CD2: variants seen among roughly 807,000 people sequenced by gnomAD.
CD2 encodes the protein T-cell surface antigen CD2.
In CD2, 18 loss-of-function variants were observed where a neutral mutation model predicts 23.2. The observed-to-expected ratio is 0.77, with a 90% confidence interval of 0.54 to 1.15. CD2 has a LOEUF of 1.15. CD2 is among the 50% of genes most tolerant of loss of function. The pLI, the probability that CD2 is intolerant of heterozygous loss-of-function variation, is 0.00. For synonymous variants in CD2, 162 were observed against 151.9 expected (o/e 1.07, Z -0.49); for missense variants, 424 against 423.1 (o/e 1.00, Z -0.02).
intron 3 of CD2, among the ~76,000 whole-genome samples, chr1:116,761,299 G>T (rs1652045684): frequency 6.6e-6 from 1 of 152,194 alleles, no homozygotes. Flanking sequence ...CTCTCGCCTG[G>T]GAGTAGAGGT....
intron 3 of CD2, among the ~76,000 whole-genome samples, chr1:116,763,232 A>C (rs1444734918): frequency 6.6e-6 from 1 of 152,236 alleles, no homozygotes; most frequent in Non-Finnish European, 1.5e-5. Flanking sequence ...AGACTCGAGG[A>C]AAGAAAGCCA....
chr1:116,760,919 TAG>T (rs980873435), intron 3 of CD2, among the ~76,000 whole-genome samples: 1 of 152,244 alleles, frequency 6.6e-6, no homozygotes, highest in African/African-American at 2.4e-5. Flanking sequence ...GGAGGAGCTG[TAG>T]AGAGTATCTC....
chr1:116,764,028 A>T (rs568109430), intron 3 of CD2, among the ~76,000 whole-genome samples: 35 of 151,934 alleles, frequency 2.3e-4, no homozygotes, highest in Non-Finnish European at 4.1e-4. Flanking sequence ...CGAGAGCAGG[A>T]TCAACAGTGC....
At chr1:116,759,715 G>A (rs1023823154) in intron 2 of CD2, among the ~76,000 whole-genome samples, 6 of 152,182 alleles carry the variant, frequency 3.9e-5, no homozygotes, top group African/African-American at 7.2e-5. Context: ...GAGGGCCAGC[G>A]TAGACCCTGT....
chr1:116,757,042 G>T (rs2101156009), intron 2 of CD2, among the ~76,000 whole-genome samples: 1 of 150,520 alleles, frequency 6.6e-6, no homozygotes, highest in East Asian at 2.0e-4. Context: ...TGTTGCCCAG[G>T]CTGGAGTGCA....
intron 2 of CD2, 35 bp downstream of exon 2, chr1:116,754,986 T>G: frequency 6.9e-7 from 1 of 1,439,494 alleles, no homozygotes; most frequent in East Asian, 2.3e-5. Flanking sequence ...TTTATTTCAG[T>G]GTGGGTGCTA....
intron 4 of CD2, among the ~76,000 whole-genome samples, chr1:116,766,598 GTAATC>G (rs1336749912): frequency 6.6e-6 from 1 of 152,106 alleles, no homozygotes; most frequent in African/African-American, 2.4e-5. Flanking sequence ...GCTCATATCT[GTAATC>G]TCAGCACTTT....
chr1:116,761,122 G>A (rs780980496), intron 3 of CD2, among the ~76,000 whole-genome samples: 3 of 152,158 alleles, frequency 2.0e-5, no homozygotes, highest in Non-Finnish European at 2.9e-5. Flanking sequence ...AGGCCAAAGA[G>A]GACTGTGGAC....
Position 116,754,894 on chromosome 1 carries a change from A to G in CD2, c.325A>G (p.Ile109Val), listed in dbSNP as rs1263494129. The G allele has an allele frequency of 6.2e-7, 1 of 1,605,296 alleles. No homozygotes were observed. The highest frequency in any genetic ancestry group is 8.5e-7 in the Non-Finnish European group (1 of 1,176,572). ...TGATCAGGATATCTACAAGGTATCA[A>G]TATATGATACAAAAGGAAAAAATGT... The part of the protein sequence containing the change: ...TDDQDIYKVS[I>V]YDTKGKNVLE... The change falls in exon 2 of 5, where the codon ATA becomes GTA. Residue 109 changes from isoleucine (I) to valine (V), a missense_variant. Coordinates refer to ENST00000369478, the MANE Select transcript of CD2 (RefSeq NM_001767.5).
intron 2 of CD2, among the ~76,000 whole-genome samples, chr1:116,756,415 C>T (rs1017765871): frequency 3.3e-5 from 5 of 152,042 alleles, no homozygotes; most frequent in East Asian, 1.9e-4. Context: ...TTATTTAAAG[C>T]GCCCAACAAT....
chr1:116,759,391 A>G (rs763426613), intron 2 of CD2, among the ~76,000 whole-genome samples: 7 of 151,902 alleles, frequency 4.6e-5, no homozygotes, highest in Non-Finnish European at 8.8e-5. Context: ...CTGAGAGGGA[A>G]AAGTGGCAAG....
Position 116,754,910 on chromosome 1 carries a change from G to A in CD2, c.341G>A (p.Gly114Glu). ...AAGGTATCAATATATGATACAAAAG[G>A]AAAAAATGTGTTGGAAAAAATATTT... is the stretch of plus-strand genomic sequence containing the variant. Reference protein sequence around the residue: ...IYKVSIYDTKGKNVLEKIFDL... With the variant: ...IYKVSIYDTKEKNVLEKIFDL... The change falls in exon 2 of 5, where the codon GGA becomes GAA. Residue 114 changes from glycine to glutamate, a missense_variant. Physicochemically the swap from Gly to Glu is moderately conservative, Grantham distance 98. Coordinates refer to ENST00000369478, the MANE Select transcript of CD2 (RefSeq NM_001767.5). 6.3e-7 allele frequency: 1 copy of A among 1,597,058 alleles called. No homozygotes were observed. Among genetic ancestry groups the A allele is most frequent in the Non-Finnish European group, 8.5e-7 (1 of 1,174,056 alleles).
intron 2 of CD2, among the ~76,000 whole-genome samples, chr1:116,755,273 TC>T (rs1465825448): frequency 6.6e-6 from 1 of 152,120 alleles, no homozygotes; most frequent in Non-Finnish European, 1.5e-5. Flanking sequence ...AGGCAACTGT[TC>T]CAGGTTGCTG....
At position 116,768,937 on chromosome 1, in the gene CD2, G is replaced by C; in HGVS notation, c.*154G>C. Reference sequence around the variant, plus strand: ...AGCCACCTCTGCATCTTCGAACTCAGCCATGTGGTCAACATCTGGAGTTTT... The same window carrying C: ...AGCCACCTCTGCATCTTCGAACTCACCCATGTGGTCAACATCTGGAGTTTT... On this transcript the variant is annotated 3_prime_UTR_variant, in exon 5 of 5. Transcript: ENST00000369478. 4 of 718,754 alleles carry C rather than the reference G, an allele frequency of 5.6e-6. No individual in the cohort carries two copies. The highest frequency in any genetic ancestry group is 2.9e-5 in the Admixed American group (1 of 34,038). 44.5% of individuals were successfully genotyped at this position (718,754 alleles called of 1,614,324 possible). A position where few individuals can be genotyped will look rare whatever the true frequency, so the allele number is the denominator to read the frequency against.
intron 2 of CD2, among the ~76,000 whole-genome samples, chr1:116,757,651 A>C (rs1014164254): frequency 6.6e-6 from 1 of 152,194 alleles, no homozygotes; most frequent in African/African-American, 2.4e-5. Context: ...ATGTTCATTA[A>C]GAAAAGAACT....
Position 116,754,949 on chromosome 1 carries a change from A to T in CD2, c.380A>T (p.Gln127Leu), listed in dbSNP as rs1464883584. 6.3e-7 allele frequency: 1 copy of T among 1,582,102 alleles called. No individual in the cohort carries two copies. The highest frequency in any genetic ancestry group is 1.8e-5 in the Admixed American group (1 of 56,530). The change falls in exon 2 of 5, where the codon CAA (glutamine) becomes CTA (leucine). Residue 127 changes from glutamine to leucine, a missense_variant and splice_region_variant. Transcript: ENST00000369478. ...VLEKIFDLKI[Q>L]ERVSKPKISW... ...GAAAAAATATTTGATTTGAAGATTCAAGGTAAGTGTTCATTCCCTTAATTG... is the reference window on the plus strand; with the variant it reads ...GAAAAAATATTTGATTTGAAGATTCTAGGTAAGTGTTCATTCCCTTAATTG...
At chr1:116,758,136 T>G (rs1325939606) in intron 2 of CD2, among the ~76,000 whole-genome samples, 1 of 151,988 alleles carries the variant, frequency 6.6e-6, no homozygotes, top group Non-Finnish European at 1.5e-5. Flanking sequence ...CATGAAAATA[T>G]TATTCATTAT....
Position 116,754,436 on chromosome 1 carries a change from A to G in CD2, c.-57A>G. ...TCGGGGTGTGGACTCCACCAGTCTC[A>G]CTTCAGTTCCTTTTGCATGAAGAGC... On this transcript the variant is annotated 5_prime_UTR_variant, in exon 1 of 5. Coordinates refer to ENST00000369478, the MANE Select transcript of CD2 (RefSeq NM_001767.5). The G allele has an allele frequency of 2.7e-6, 4 of 1,472,610 alleles. No individual in the cohort carries two copies. The highest frequency in any genetic ancestry group is 2.8e-6 in the Non-Finnish European group (3 of 1,060,020). The allele number at this position is 1,472,610 out of a possible 1,614,324, so 91.2% of individuals were successfully genotyped here.
intron 2 of CD2, among the ~76,000 whole-genome samples, chr1:116,757,774 G>GAC (rs1187278376): frequency 1.4e-5 from 2 of 147,018 alleles, no homozygotes; most frequent in African/African-American, 2.4e-5. Flanking sequence ...GAGAGAGAGA[G>GAC]AGGCAGACAG....
Sources: gnomAD v4.1 joint callset for allele counts (sites outside exome capture counted in the v4.1 genomes callset) on GRCh38, gnomAD v4.1.1 for gene constraint, MANE v1.5 for transcripts, NCBI Gene and HGNC (gene_info 2026-07-23, HGNC 2026-07-21) for gene names.